Variants in CERT1 observed in about 807,000 individuals in gnomAD.
The protein encoded by CERT1 is ceramide transfer protein.
Under a neutral mutation model 87.9 loss-of-function variants are expected in CERT1, and 31 were observed. The observed-to-expected ratio is 0.35, with a 90% CI of 0.27 to 0.48. CERT1 has a LOEUF of 0.48. Ranked by LOEUF, CERT1 falls within the 20% of genes least tolerant of loss-of-function variation. The probability of loss-of-function intolerance (pLI) is 0.99; values close to 1 mark genes in which losing one functional copy is unlikely to be tolerated. For missense variants in CERT1, 487 were observed against 758.0 expected, an observed-to-expected ratio of 0.64 and a Z score of 4.20; for synonymous variants, 289 against 250.9, an observed-to-expected ratio of 1.15 and a Z score of -1.44.
intron 2 of CERT1, among the ~76,000 whole-genome samples, chr5:75,478,909 TAAAAAA>T (rs11438163): frequency 0.054 from 1,165 of 21,586 alleles, 6 homozygotes; most frequent in African/African-American, 0.13. Context: ...AAGTAAGTAC[TAAAAAA>T]AAAAAAAAAA....
chr5:75,395,090 C>A (rs1367046939), intron 11 of CERT1, among the ~76,000 whole-genome samples: 1 of 152,172 alleles, frequency 6.6e-6, no homozygotes, highest in African/African-American at 2.4e-5. Flanking sequence ...GAGCCTCACA[C>A]AGAACCATTT....
chr5:75,447,696 G>T (rs954632112), intron 3 of CERT1, among the ~76,000 whole-genome samples: 1 of 151,416 alleles, frequency 6.6e-6, no homozygotes, highest in Non-Finnish European at 1.5e-5. Context: ...GGATGGTCTC[G>T]ATCTCCTGAC....
At chr5:75,487,330 T>C (rs1168658438) in intron 2 of CERT1, among the ~76,000 whole-genome samples, 3 of 151,960 alleles carry the variant, frequency 2.0e-5, no homozygotes, top group East Asian at 1.9e-4. Context: ...TAAAATCATA[T>C]CAAATGGATT....
At chr5:75,432,649 TG>T (rs1421187140) in intron 3 of CERT1, among the ~76,000 whole-genome samples, 4 of 152,240 alleles carry the variant, frequency 2.6e-5, no homozygotes, top group Non-Finnish European at 5.9e-5. Context: ...TCTTTCTGTA[TG>T]TTGTCTGTTT....
intron 15 of CERT1, 101 bp from the exon 16 acceptor site, chr5:75,381,302 G>T: frequency 1.5e-6 from 2 of 1,297,904 alleles, no homozygotes; most frequent in South Asian, 2.6e-5. Context: ...ACTCTTAAAA[G>T]TATCTCCAGT....
intron 3 of CERT1, among the ~76,000 whole-genome samples, chr5:75,457,569 C>T (rs1765037699): frequency 6.6e-6 from 1 of 151,604 alleles, no homozygotes; most frequent in Non-Finnish European, 1.5e-5. Flanking sequence ...GTTTTAAAAA[C>T]TTAACACTAA....
chr5:75,466,247 C>A (rs1178284652), intron 2 of CERT1, among the ~76,000 whole-genome samples: 1 of 152,192 alleles, frequency 6.6e-6, no homozygotes, highest in Admixed American at 6.5e-5. Flanking sequence ...ACCTTGCTGT[C>A]TGCACACTGT....
intron 6 of CERT1, among the ~76,000 whole-genome samples, chr5:75,417,731 TA>T (rs1242178398): frequency 6.6e-6 from 1 of 152,208 alleles, no homozygotes; most frequent in Non-Finnish European, 1.5e-5. Context: ...AATCAAAATG[TA>T]AAATTTCTGC....
At chr5:75,374,399 T>C (rs1561215270), downstream of CERT1, 6 of 561,126 alleles carry the variant, frequency 1.1e-5, no homozygotes, top group Non-Finnish European at 1.9e-5. Context: ...CAAAGGTATA[T>C]GGAATTTTTC....
chr5:75,468,728 G>A (rs534417624), intron 2 of CERT1, among the ~76,000 whole-genome samples: 1 of 152,168 alleles, frequency 6.6e-6, no homozygotes, highest in African/African-American at 2.4e-5. Flanking sequence ...TCTGGGTACA[G>A]AAAGCCTAAT....
intron 3 of CERT1, among the ~76,000 whole-genome samples, chr5:75,438,314 T>C (rs559239169): frequency 1.3e-5 from 2 of 152,266 alleles, no homozygotes; most frequent in South Asian, 2.1e-4. Flanking sequence ...TGTTAACACA[T>C]CTCTTTGGCT....
At chr5:75,433,043 T>C (rs957572542) in intron 3 of CERT1, among the ~76,000 whole-genome samples, 73 of 152,234 alleles carry the variant, frequency 4.8e-4, no homozygotes, top group African/African-American at 1.6e-3. Context: ...ATCTAACCTA[T>C]TCCACTGGTC....
chr5:75,478,911 A>C (rs963815943), intron 2 of CERT1, among the ~76,000 whole-genome samples: 1 of 93,676 alleles, frequency 1.1e-5, no homozygotes, highest in Admixed American at 1.0e-4. Flanking sequence ...GTAAGTACTA[A>C]AAAAAAAAAA....
rs144900944 is a variant in CERT1, at chr5:75,491,764, A to G, written c.231+14218T>C. On this transcript the variant is annotated intron_variant, in intron 2 of 16. Coordinates refer to ENST00000643780, the MANE Select transcript of CERT1 (RefSeq NM_001379029.1). ...AGGTGTTGTTTCATGTCAAAATGATATAGATGTGAAGTTATTTTGTATCTT... is the reference window on the plus strand; with the variant it reads ...AGGTGTTGTTTCATGTCAAAATGATGTAGATGTGAAGTTATTTTGTATCTT... 4.5e-3 allele frequency among the ~76,000 whole-genome samples: 683 copies of G among 152,316 alleles called. 3 individuals are homozygous for G. The highest frequency in any genetic ancestry group is 0.016 in the African/African-American group (653 of 41,560).
intron 2 of CERT1, among the ~76,000 whole-genome samples, chr5:75,493,489 G>C (rs373322580): frequency 2.6e-5 from 4 of 152,132 alleles, no homozygotes; most frequent in Admixed American, 6.5e-5. Context: ...AAGAATGTAG[G>C]CATCAGCCAT....
At chr5:75,454,104 TGG>T (rs1045987144) in intron 3 of CERT1, among the ~76,000 whole-genome samples, 5 of 152,218 alleles carry the variant, frequency 3.3e-5, no homozygotes, top group Non-Finnish European at 7.3e-5. Context: ...GCTGGAATTA[TGG>T]GTGCCCAGGC....
intron 2 of CERT1, among the ~76,000 whole-genome samples, chr5:75,470,654 T>C (rs956766518): frequency 2.0e-5 from 3 of 152,144 alleles, no homozygotes; most frequent in Non-Finnish European, 2.9e-5. Context: ...TCACAGCTAA[T>C]ACACTGAACA....
At chr5:75,443,842 T>C (rs1764421759) in intron 3 of CERT1, among the ~76,000 whole-genome samples, 1 of 152,244 alleles carries the variant, frequency 6.6e-6, no homozygotes, top group Admixed American at 6.5e-5. Context: ...GATATGTTTA[T>C]AATTGTTATA....
At chr5:75,375,626 TAAATA>T (rs1468314850), downstream of CERT1, 33 of 135,536 alleles carry the variant, frequency 2.4e-4, 1 homozygote, top group Admixed American at 1.7e-3. Context: ...AATAAATAAA[TAAATA>T]AAATAAATAA....
Sources: gnomAD v4.1 joint callset for allele counts (sites outside exome capture counted in the v4.1 genomes callset) on GRCh38, gnomAD v4.1.1 for gene constraint, MANE v1.5 for transcripts, NCBI Gene and HGNC (gene_info 2026-07-23, HGNC 2026-07-21) for gene names.